ZFTA: variants seen among roughly 807,000 people sequenced by gnomAD.
The protein encoded by ZFTA is zinc finger translocation associated.
Under a neutral mutation model 41.8 loss-of-function variants are expected in ZFTA, and 35 were observed. The observed-to-expected ratio is 0.84, with a 90% CI of 0.64 to 1.11. ZFTA has a LOEUF of 1.11. Among genes scored for constraint, ZFTA ranks in the 50% most tolerant of loss-of-function variants. ZFTA has a pLI of 0.00. For missense variants in ZFTA, 964 were observed against 989.8 expected, an observed-to-expected ratio of 0.97 and a Z score of 0.35; for synonymous variants, 514 against 436.4, an observed-to-expected ratio of 1.18 and a Z score of -2.22.
chr11:63,768,221 GC>G (rs1419062689), intron 1 of ZFTA, among the ~76,000 whole-genome samples: 1 of 151,436 alleles, frequency 6.6e-6, no homozygotes, highest in Non-Finnish European at 1.5e-5. Flanking sequence ...CTCGGGCCTG[GC>G]CCCCAAGGCG....
rs1367081838 is a variant in ZFTA, at chr11:63,764,277, A to G, written c.1346T>C (p.Leu449Pro). Residue 449 changes from leucine to proline, a missense_variant, in exon 4 of 5, where the codon CTC becomes CCC. Physicochemically the swap from Leu to Pro is moderately conservative, Grantham distance 98. Transcript: ENST00000433688. Reference sequence around the variant, plus strand: ...GTGGCGCTCGATGGTGCTCATCTTGAGCGAGGCCAGCGCGCCCCCGCACAC... The same window carrying G: ...GTGGCGCTCGATGGTGCTCATCTTGGGCGAGGCCAGCGCGCCCCCGCACAC... ...CGVCGGALAS[L>P]KMSTIERHIR... The G allele has an allele frequency of 6.8e-7, 1 of 1,459,912 alleles. No individual in the cohort carries two copies. Among genetic ancestry groups the G allele is most frequent in the East Asian group, 3.0e-5 (1 of 32,992 alleles). 90.4% of individuals were successfully genotyped at this position (1,459,912 alleles called of 1,614,324 possible).
At position 63,765,296 on chromosome 11, in the gene ZFTA, G is replaced by A. The variant is rs1279978825; in HGVS notation, c.638-42C>T. 4.2e-6 allele frequency: 6 copies of A among 1,423,842 alleles called. No homozygotes were observed. The highest frequency in any genetic ancestry group is 5.3e-5 in the East Asian group (2 of 37,888). The allele number at this position is 1,423,842 out of a possible 1,614,324, so 88.2% of individuals were successfully genotyped here. A position where few individuals can be genotyped will look rare whatever the true frequency, so the allele number is the denominator to read the frequency against. ...GAAGGAACTGAGACGCTGGCCCCACGGGAGCATACCCACTACAGCCAGGTC... is the reference window on the plus strand; with the variant it reads ...GAAGGAACTGAGACGCTGGCCCCACAGGAGCATACCCACTACAGCCAGGTC... On this transcript the variant is annotated intron_variant, in intron 2 of 4. Transcript: ENST00000433688. This position sits in a 1 kb window ranked among gnomAD's most constrained non-coding sequence, Gnocchi z 4.0.
In ZFTA at chr11:63,760,543, A is replaced by C. The variant is rs938201202; in HGVS notation, c.*2875T>G. The stretch of plus-strand genomic sequence containing the variant: ...TTACATATTGGCCATAATAGCAAGC[A>C]TACCATTAACAACAACAACAAAAAA... On this transcript the variant is annotated 3_prime_UTR_variant, in exon 5 of 5. Transcript: ENST00000433688. The C allele has an allele frequency of 1.3e-5, 2 of 152,246 alleles. No homozygotes were observed. Among genetic ancestry groups the C allele is most frequent in the African/African-American group, 2.4e-5 (1 of 41,464 alleles). The allele number at this position is 152,246 out of a possible 1,614,324, so 9.4% of individuals were successfully genotyped here.
In ZFTA at chr11:63,768,505, C is replaced by T; in HGVS notation, c.118G>A (p.Glu40Lys). The T allele has an allele frequency of 8.3e-7, 1 of 1,208,172 alleles. No individual in the cohort carries two copies. Among genetic ancestry groups the T allele is most frequent in the South Asian group, 1.8e-5 (1 of 56,504 alleles). 74.8% of individuals were successfully genotyped at this position (1,208,172 alleles called of 1,614,324 possible). A position where few individuals can be genotyped will look rare whatever the true frequency, so the allele number is the denominator to read the frequency against. ...TTACCGCCTTCGTCTTCCTCTGGCT[C>T]CGCGCTGCCGCTCGATCCGGCGGGC... ...LPPAGSSGSA[E>K]PEEDEGGQDL... Residue 40 changes from glutamate (E) to lysine (K), a missense_variant, in exon 1 of 5, where the codon GAG becomes AAG. By Grantham distance (56) the Glu-to-Lys change is moderately conservative. Around this residue, in one of 5 missense-constraint regions of ZFTA, gnomAD observed 111 missense variants for 93.2 expected, o/e 1.19. Transcript: ENST00000433688.
chr11:63,765,136 C>A lies in ZFTA; in HGVS notation c.756G>T (p.Gly252=), dbSNP rs1267173311. 6.5e-7 allele frequency: 1 copy of A among 1,547,480 alleles called. No homozygotes were observed. The highest frequency in any genetic ancestry group is 8.7e-7 in the Non-Finnish European group (1 of 1,146,178). ...TCAGCCTCCTCTCCAGGCGCCGGGC[C>A]CCCAGCCCCCTGCTGCCCCCGGCCC... ...SRRAGGSRGL[G]ARRLERRLKE... Residue 252 remains glycine, a synonymous_variant, in exon 3 of 5, where the codon GGG becomes GGT. Coordinates refer to ENST00000433688, the MANE Select transcript of ZFTA (RefSeq NM_001144936.2). This position sits in a 1 kb window ranked among gnomAD's most constrained non-coding sequence, Gnocchi z 4.0.
chr11:63,768,481 T>TA lies in ZFTA; in HGVS notation c.139+2dup. 8.4e-7 allele frequency: 1 copy of TA among 1,183,524 alleles called. No individual in the cohort carries two copies. The highest frequency in any genetic ancestry group is 1.1e-6 in the Non-Finnish European group (1 of 944,172). The allele number at this position is 1,183,524 out of a possible 1,614,324, so 73.3% of individuals were successfully genotyped here. A position where few individuals can be genotyped will look rare whatever the true frequency, so the allele number is the denominator to read the frequency against. On this transcript the variant is annotated splice_region_variant and intron_variant, in intron 1 of 4. Coordinates refer to ENST00000433688, the MANE Select transcript of ZFTA (RefSeq NM_001144936.2). ...CGCCCGGGCCGCCGGCCCCAGCTCT[T>TA]ACCGCCTTCGTCTTCCTCTGGCTCC...
rs912698527 is a variant in ZFTA, at chr11:63,765,907, G to C, written c.537C>G (p.Ala179=). The change falls in exon 2 of 5, where the codon GCC becomes GCG. Residue 179 remains alanine, a synonymous_variant. Transcript: ENST00000433688. This position sits in a 1 kb window ranked among gnomAD's most constrained non-coding sequence, Gnocchi z 4.0. ...AHLGLGACGE[A]EGLGVQGAEE... The stretch of plus-strand genomic sequence containing the variant: ...CAGCCCCCTGGACCCCCAGGCCCTC[G>C]GCCTCTCCGCAGGCCCCCAGCCCCA... The C allele has an allele frequency of 1.3e-6, 2 of 1,548,212 alleles. No homozygotes were observed. The highest frequency in any genetic ancestry group is 1.7e-6 in the Non-Finnish European group (2 of 1,145,836).
Position 63,765,889 on chromosome 11 carries a change from C to T in ZFTA, c.555G>A (p.Gln185=). 1 of 1,544,130 alleles carries T rather than the reference C, an allele frequency of 6.5e-7. No individual in the cohort carries two copies. Among genetic ancestry groups the T allele is most frequent in the Non-Finnish European group, 8.7e-7 (1 of 1,143,684 alleles). ...CCTCCTCCTCCTCCTCCTCAGCCCCCTGGACCCCCAGGCCCTCGGCCTCTC... is the reference window on the plus strand; with the variant it reads ...CCTCCTCCTCCTCCTCCTCAGCCCCTTGGACCCCCAGGCCCTCGGCCTCTC... ...ACGEAEGLGV[Q]GAEEEEEEEE... The change falls in exon 2 of 5, where the codon CAG becomes CAA. Residue 185 remains glutamine (Q), a synonymous_variant. Transcript: ENST00000433688. The surrounding 1 kb of genome is among the most constrained non-coding windows in gnomAD (Gnocchi z 4.0).
rs776339558 is a variant in ZFTA at position 63,764,219 on chromosome 11, G to T, written c.1404C>A (p.Leu468=). Reference sequence around the variant, plus strand: ...CGATGAGGGCCTGGACAGGCCCGCCGAGGCGCGTGGAGCCCGGGTGGCGCC... The same window carrying T: ...CGATGAGGGCCTGGACAGGCCCGCCTAGGCGCGTGGAGCCCGGGTGGCGCC... ...IRRRHPGSTR[L]GGPVQALIAR... Residue 468 remains leucine (L), a synonymous_variant, in exon 4 of 5, where the codon CTC becomes CTA. Transcript: ENST00000433688. 7.0e-7 allele frequency: 1 copy of T among 1,426,542 alleles called. No homozygotes were observed. Among genetic ancestry groups the T allele is most frequent in the South Asian group, 1.5e-5 (1 of 68,454 alleles). The allele number at this position is 1,426,542 out of a possible 1,614,324, so 88.4% of individuals were successfully genotyped here. A position where few individuals can be genotyped will look rare whatever the true frequency, so the allele number is the denominator to read the frequency against.
Position 63,765,284 on chromosome 11 carries a change from C to A in ZFTA, c.638-30G>T. ...AAGGGTTGGAGGGAAGGAACTGAGA[C>A]GCTGGCCCCACGGGAGCATACCCAC... On this transcript the variant is annotated intron_variant, in intron 2 of 4. Coordinates refer to ENST00000433688, the MANE Select transcript of ZFTA (RefSeq NM_001144936.2). This position sits in a 1 kb window ranked among gnomAD's most constrained non-coding sequence, Gnocchi z 4.0. 1 of 1,431,182 alleles carries A rather than the reference C, an allele frequency of 7.0e-7. No homozygotes were observed. Among genetic ancestry groups the A allele is most frequent in the Non-Finnish European group, 9.1e-7 (1 of 1,099,956 alleles). 88.7% of individuals were successfully genotyped at this position (1,431,182 alleles called of 1,614,324 possible).
Position 63,765,333 on chromosome 11 carries a change from T to C in ZFTA, c.638-79A>G. On this transcript the variant is annotated intron_variant, in intron 2 of 4. Coordinates refer to ENST00000433688, the MANE Select transcript of ZFTA (RefSeq NM_001144936.2). This position sits in a 1 kb window ranked among gnomAD's most constrained non-coding sequence, Gnocchi z 4.0. ...ACTACAGCCAGGTCTCCCACAAGCC[T>C]CTCACTCACTTGGGCCCCAGGCCTA... 7.3e-7 allele frequency: 1 copy of C among 1,376,608 alleles called. No homozygotes were observed. The highest frequency in any genetic ancestry group is 9.4e-7 in the Non-Finnish European group (1 of 1,060,698). The allele number at this position is 1,376,608 out of a possible 1,614,324, so 85.3% of individuals were successfully genotyped here.
Position 63,768,651 on chromosome 11 carries a change from G to A in ZFTA, c.-29C>T, listed in dbSNP as rs970154889. 2.1e-6 allele frequency: 2 copies of A among 971,066 alleles called. No individual in the cohort carries two copies. The highest frequency in any genetic ancestry group is 1.2e-4 in the East Asian group (1 of 8,446). The allele number at this position is 971,066 out of a possible 1,614,324, so 60.2% of individuals were successfully genotyped here. ...CTGCGCTGCGGAGCGGGGCCCCGGGGCGGCGGGGCGCGGGGCCGCGGGGCC... is the reference window on the plus strand; with the variant it reads ...CTGCGCTGCGGAGCGGGGCCCCGGGACGGCGGGGCGCGGGGCCGCGGGGCC... On this transcript the variant is annotated 5_prime_UTR_variant, in exon 1 of 5. Coordinates refer to ENST00000433688, the MANE Select transcript of ZFTA (RefSeq NM_001144936.2).
In ZFTA at chr11:63,765,862, T is replaced by TTCC. The variant is rs750330160; in HGVS notation, c.579_581dup (p.Glu200dup). 37 of 1,501,294 alleles carry TTCC rather than the reference T, an allele frequency of 2.5e-5. No individual in the cohort carries two copies. Among genetic ancestry groups the TTCC allele is most frequent in the Admixed American group, 2.0e-4 (9 of 44,842 alleles). The allele number at this position is 1,501,294 out of a possible 1,614,324, so 93.0% of individuals were successfully genotyped here. Reference sequence around the variant, plus strand: ...CGGCCCCCTCCTCCTCCTCCTCTTCTTCCTCCTCCTCCTCCTCCTCAGCCC... The same window carrying TTCC: ...CGGCCCCCTCCTCCTCCTCCTCTTCTTCCTCCTCCTCCTCCTCCTCCTCAGCCC... On this transcript the variant is annotated inframe_insertion, in exon 2 of 5. Coordinates refer to ENST00000433688, the MANE Select transcript of ZFTA (RefSeq NM_001144936.2). This position sits in a 1 kb window ranked among gnomAD's most constrained non-coding sequence, Gnocchi z 4.0.
Position 63,765,971 on chromosome 11 carries a change from CG to C in ZFTA, c.472del (p.Arg158GlyfsTer103). On this transcript the variant is annotated frameshift_variant, in exon 2 of 5. Transcript: ENST00000433688. LOFTEE classifies it high-confidence loss of function. This position sits in a 1 kb window ranked among gnomAD's most constrained non-coding sequence, Gnocchi z 4.0. ...GCTGTTGCTGATGACTTCCTTCTCC[CG>C]GGGACTCCAATGCAAGGAGTAGGGG... ...KHPYSLHWSPREKEVISNSWD... is the reference protein window; with the variant it reads ...KHPYSLHWSPXEKEVISNSWD... 6.4e-7 allele frequency: 1 copy of C among 1,551,664 alleles called. No homozygotes were observed. The highest frequency in any genetic ancestry group is 8.7e-7 in the Non-Finnish European group (1 of 1,146,958).
Position 63,764,887 on chromosome 11 carries a change from C to A in ZFTA, c.1005G>T (p.Glu335Asp). 6.6e-7 allele frequency: 1 copy of A among 1,514,978 alleles called. No individual in the cohort carries two copies. Among genetic ancestry groups the A allele is most frequent in the Non-Finnish European group, 8.8e-7 (1 of 1,133,582 alleles). 93.8% of individuals were successfully genotyped at this position (1,514,978 alleles called of 1,614,324 possible). A position where few individuals can be genotyped will look rare whatever the true frequency, so the allele number is the denominator to read the frequency against. ...AWGGQPEALSELTQSPPGDDL... is the reference protein window; with the variant it reads ...AWGGQPEALSDLTQSPPGDDL... ...TCGCACCTGGTGGGGACTGGGTGAG[C>A]TCAGACAGCGCCTCGGGCTGGCCCC... Residue 335 changes from glutamate (E) to aspartate (D), a missense_variant, in exon 3 of 5, where the codon GAG becomes GAT. Glu to Asp is a conservative substitution (Grantham distance 45). This residue lies in a region of ZFTA where 584 missense variants were observed against 523.1 expected (regional missense o/e 1.12). Coordinates refer to ENST00000433688, the MANE Select transcript of ZFTA (RefSeq NM_001144936.2).
At position 63,765,304 on chromosome 11, in the gene ZFTA, A is replaced by T. The variant is rs1349678028; in HGVS notation, c.638-50T>A. ...TGAGACGCTGGCCCCACGGGAGCATACCCACTACAGCCAGGTCTCCCACAA... is the reference window on the plus strand; with the variant it reads ...TGAGACGCTGGCCCCACGGGAGCATTCCCACTACAGCCAGGTCTCCCACAA... On this transcript the variant is annotated intron_variant, in intron 2 of 4. Transcript: ENST00000433688. The surrounding 1 kb of genome is among the most constrained non-coding windows in gnomAD (Gnocchi z 4.0). 7.1e-7 allele frequency: 1 copy of T among 1,415,522 alleles called. No individual in the cohort carries two copies. The highest frequency in any genetic ancestry group is 9.2e-7 in the Non-Finnish European group (1 of 1,091,714). The allele number at this position is 1,415,522 out of a possible 1,614,324, so 87.7% of individuals were successfully genotyped here.
At position 63,761,142 on chromosome 11, in the gene ZFTA, A is replaced by G. The variant is rs2014625076; in HGVS notation, c.*2276T>C. On this transcript the variant is annotated 3_prime_UTR_variant, in exon 5 of 5. Coordinates refer to ENST00000433688, the MANE Select transcript of ZFTA (RefSeq NM_001144936.2). ...GGAAAGTAAAAGAATGGCAGTGCCCAGCCTGGTGCCATCCATAATCTCCGT... is the reference window on the plus strand; with the variant it reads ...GGAAAGTAAAAGAATGGCAGTGCCCGGCCTGGTGCCATCCATAATCTCCGT... 6.6e-6 allele frequency: 1 copy of G among 152,220 alleles called. No individual in the cohort carries two copies. The highest frequency in any genetic ancestry group is 2.1e-4 in the South Asian group (1 of 4,830). 9.4% of individuals were successfully genotyped at this position (152,220 alleles called of 1,614,324 possible). A position where few individuals can be genotyped will look rare whatever the true frequency, so the allele number is the denominator to read the frequency against.
intron 3 of ZFTA, 97 bp from the exon 4 acceptor site, chr11:63,764,695 A>G (rs2135094387): frequency 7.6e-7 from 1 of 1,318,086 alleles, no homozygotes; most frequent in Non-Finnish European, 9.6e-7. Context: ...CCCCAGCCCC[A>G]AGCTAGAGGC....
chr11:63,764,363 C>A lies in ZFTA; in HGVS notation c.1260G>T (p.Glu420Asp), dbSNP rs1381854733. The change falls in exon 4 of 5, where the codon GAG (glutamate) becomes GAT (aspartate). Residue 420 changes from glutamate (E) to aspartate (D), a missense_variant. Coordinates refer to ENST00000433688, the MANE Select transcript of ZFTA (RefSeq NM_001144936.2). ...RGRAHRRHPQ[E>D]RWRLEYLMEL... The stretch of plus-strand genomic sequence containing the variant: ...CCATGAGGTACTCCAGCCGCCAGCG[C>A]TCCTGGGGGTGGCGGCGGTGGGCGC... The A allele has an allele frequency of 3.8e-6, 5 of 1,315,858 alleles. No homozygotes were observed. Among genetic ancestry groups the A allele is most frequent in the Admixed American group, 8.4e-5 (2 of 23,928 alleles). 81.5% of individuals were successfully genotyped at this position (1,315,858 alleles called of 1,614,324 possible).
Sources: gnomAD v4.1 joint callset for allele counts (sites outside exome capture counted in the v4.1 genomes callset) on GRCh38, gnomAD v4.1.1 for gene constraint, gnomAD v4.1.1 regional missense constraint, Gnocchi (gnomAD v3.1) non-coding constraint, MANE v1.5 for transcripts, NCBI Gene and HGNC (gene_info 2026-07-23, HGNC 2026-07-21) for gene names.